FEZF2: variants seen among roughly 807,000 people sequenced by gnomAD.
The protein encoded by FEZF2 is FEZ family zinc finger 2, also known as fez family zinc finger protein 2.
FEZF2 carries 2 observed loss-of-function variants against 32.8 expected under a neutral mutation model. The ratio of observed to expected loss-of-function variants is 0.06; its 90% CI spans 0.02 to 0.19. FEZF2 has a LOEUF of 0.19. Ranked by LOEUF, FEZF2 falls within the 10% of genes least tolerant of loss-of-function variation. FEZF2 has a pLI of 1.00. For missense variants in FEZF2, 516 were observed against 625.4 expected, an observed-to-expected ratio of 0.83 and a Z score of 1.87; for synonymous variants, 322 against 284.8, an observed-to-expected ratio of 1.13 and a Z score of -1.32.
chr3:62,371,438 G>A (rs1209965542), intron 3 of FEZF2, 89 bp from the exon 4 acceptor site: 2 of 1,580,298 alleles, frequency 1.3e-6, no homozygotes, highest in African/African-American at 2.7e-5. Context: ...CAACCCTAGA[G>A]GGTAAGGGAT....
chr3:62,373,285 C>T lies in FEZF2; in HGVS notation c.-65G>A, dbSNP rs934160945. The T allele has an allele frequency of 5.6e-6, 1 of 178,344 alleles. No homozygotes were observed. Among genetic ancestry groups the T allele is most frequent in the Non-Finnish European group, 1.2e-5 (1 of 85,608 alleles). The allele number at this position is 178,344 out of a possible 1,614,324, so 11.0% of individuals were successfully genotyped here. On this transcript the variant is annotated 5_prime_UTR_variant, in exon 1 of 5. Coordinates refer to ENST00000283268, the MANE Select transcript of FEZF2 (RefSeq NM_018008.4). The surrounding 1 kb of genome is among the most constrained non-coding windows in gnomAD (Gnocchi z 5.5). ...AGAGCCACCTCGCATTTACCTCTTTCCCCCACCACCAAGGAGATGCGTTCC... is the reference window on the plus strand; with the variant it reads ...AGAGCCACCTCGCATTTACCTCTTTTCCCCACCACCAAGGAGATGCGTTCC...
Position 62,372,848 on chromosome 3 carries a change from C to T in FEZF2, c.21G>A (p.Leu7=), listed in dbSNP as rs777699358. The change falls in exon 2 of 5, where the codon CTG becomes CTA. Residue 7 remains leucine (L), a synonymous_variant. Coordinates refer to ENST00000283268, the MANE Select transcript of FEZF2 (RefSeq NM_018008.4). The surrounding 1 kb of genome is among the most constrained non-coding windows in gnomAD (Gnocchi z 9.6). Reference sequence around the variant, plus strand: ...GGCAGGCCGGGGGCACCATGGTCTCCAGGGAAGCCGAGCTTGCCATGGCGC... The same window carrying T: ...GGCAGGCCGGGGGCACCATGGTCTCTAGGGAAGCCGAGCTTGCCATGGCGC... The part of the protein sequence containing the change: MASSAS[L]ETMVPPACPR... 2.7e-6 allele frequency: 4 copies of T among 1,462,288 alleles called. No homozygotes were observed. The highest frequency in any genetic ancestry group is 2.8e-5 in the South Asian group (2 of 72,454). The allele number at this position is 1,462,288 out of a possible 1,614,324, so 90.6% of individuals were successfully genotyped here. A position where few individuals can be genotyped will look rare whatever the true frequency, so the allele number is the denominator to read the frequency against.
chr3:62,372,677 G>T lies in FEZF2; in HGVS notation c.192C>A (p.Leu64=). 2 of 1,608,582 alleles carry T rather than the reference G, an allele frequency of 1.2e-6. No homozygotes were observed. The highest frequency in any genetic ancestry group is 4.5e-5 in the East Asian group (2 of 44,414). The change falls in exon 2 of 5, where the codon CTC becomes CTA. Residue 64 remains leucine (L), a synonymous_variant. Transcript: ENST00000283268. The surrounding 1 kb of genome is among the most constrained non-coding windows in gnomAD (Gnocchi z 9.6). Reference sequence around the variant, plus strand: ...TACAGGGCAGCGGCGAGCAGAGGTTGAGCAGTTTCTTGCCCTGGCTGCCGT... The same window carrying T: ...TACAGGGCAGCGGCGAGCAGAGGTTTAGCAGTTTCTTGCCCTGGCTGCCGT... ...EADGSQGKKL[L]NLCSPLPCMI...
Position 62,372,031 on chromosome 3 carries a change from C to A in FEZF2, c.838G>T (p.Glu280Ter). ...CTGGGCCTCACCTTGCCGCACACCT[C>A]GCAGGTGAAGTTTTTGGGCTTGCCA... ...ADGKPKNFTC[E>*]VCGKVFNAHY... is the part of the protein sequence containing the mutation. Residue 280 changes from glutamate to a stop codon, truncating the protein, a stop_gained, in exon 2 of 5, where the codon GAG becomes TAG. Coordinates refer to ENST00000283268, the MANE Select transcript of FEZF2 (RefSeq NM_018008.4). LOFTEE classifies it high-confidence loss of function. The surrounding 1 kb of genome is among the most constrained non-coding windows in gnomAD (Gnocchi z 9.6). The A allele has an allele frequency of 6.2e-7, 1 of 1,606,218 alleles. No homozygotes were observed. The highest frequency in any genetic ancestry group is 8.5e-7 in the Non-Finnish European group (1 of 1,179,480).
intron 2 of FEZF2, 49 bp downstream of exon 2, chr3:62,371,968 C>T: frequency 6.3e-7 from 1 of 1,575,554 alleles, no homozygotes; most frequent in East Asian, 2.3e-5. Context: ...AGGAAGCCGC[C>T]GCCGCCGATC....
intron 3 of FEZF2, 29 bp downstream of exon 3, chr3:62,371,504 G>A: frequency 1.9e-6 from 3 of 1,594,138 alleles, no homozygotes; most frequent in South Asian, 1.1e-5. Flanking sequence ...GGTTGCGCGC[G>A]GGCTAGGCCC....
chr3:62,370,772 A>G lies in FEZF2; in HGVS notation c.1121-430T>C, dbSNP rs1457124477. Among the ~76,000 whole-genome samples the G allele has an allele frequency of 9.2e-5, 14 of 152,014 alleles. No individual in the cohort carries two copies. The highest frequency in any genetic ancestry group is 3.4e-4 in the African/African-American group (14 of 41,386). On this transcript the variant is annotated intron_variant, in intron 4 of 4. Transcript: ENST00000283268. The surrounding 1 kb of genome is among the most constrained non-coding windows in gnomAD (Gnocchi z 4.2). ...CTTCTTTCTCGCCCCCCAACTACCAACTGAAGATCCAAAAGTGCCTTGGAA... is the reference window on the plus strand; with the variant it reads ...CTTCTTTCTCGCCCCCCAACTACCAGCTGAAGATCCAAAAGTGCCTTGGAA...
Position 62,370,587 on chromosome 3 carries a change from C to T in FEZF2, c.1121-245G>A, listed in dbSNP as rs1286997742. On this transcript the variant is annotated intron_variant, in intron 4 of 4. Transcript: ENST00000283268. This position sits in a 1 kb window ranked among gnomAD's most constrained non-coding sequence, Gnocchi z 4.2. ...GCTCCTGCTCTGCCCGCCACAGAGGCTGGTGCAGCTTCCCTCCCGCCGCGC... is the reference window on the plus strand; with the variant it reads ...GCTCCTGCTCTGCCCGCCACAGAGGTTGGTGCAGCTTCCCTCCCGCCGCGC... Among the ~76,000 whole-genome samples, 1 of 152,234 alleles carries T rather than the reference C, an allele frequency of 6.6e-6. No individual in the cohort carries two copies. The highest frequency in any genetic ancestry group is 1.9e-4 in the East Asian group (1 of 5,182).
Position 62,370,136 on chromosome 3 carries a change from C to T in FEZF2, c.1327G>A (p.Val443Met), listed in dbSNP as rs1284653948. The T allele has an allele frequency of 9.9e-6, 16 of 1,614,082 alleles. No homozygotes were observed. The highest frequency in any genetic ancestry group is 1.4e-5 in the Non-Finnish European group (16 of 1,180,050). Reference sequence around the variant, plus strand: ...TTTGCGGAGGGGGCAGCAGGGCCCACGCTGTCGTGGAGTTTGCGCACATGT... The same window carrying T: ...TTTGCGGAGGGGGCAGCAGGGCCCATGCTGTCGTGGAGTTTGCGCACATGT... The part of the protein sequence containing the change: ...KKHVRKLHDS[V>M]GPAAPSAKDL... Residue 443 changes from valine to methionine, a missense_variant, in exon 5 of 5, where the codon GTG (valine) becomes ATG (methionine). By Grantham distance (21) the Val-to-Met change is conservative. Coordinates refer to ENST00000283268, the MANE Select transcript of FEZF2 (RefSeq NM_018008.4). The surrounding 1 kb of genome is among the most constrained non-coding windows in gnomAD (Gnocchi z 4.2).
In FEZF2 at chr3:62,371,520, G is replaced by C. The variant is rs199593114; in HGVS notation, c.987+13C>G. The C allele has an allele frequency of 5.4e-4, 864 of 1,605,482 alleles. 13 individuals are homozygous for C. The South Asian group carries it at 9.2e-3, about 17-fold the overall frequency. On this transcript the variant is annotated intron_variant, in intron 3 of 4. Coordinates refer to ENST00000283268, the MANE Select transcript of FEZF2 (RefSeq NM_018008.4). ...GTTGCGCGCGGGCTAGGCCCGACCC[G>C]GGGGCCACGTACCTGGGTGTGGATA...
In FEZF2 at chr3:62,372,815, G is replaced by A. The variant is rs767571510; in HGVS notation, c.54C>T (p.Ala18=). The A allele has an allele frequency of 4.4e-5, 67 of 1,532,722 alleles. No homozygotes were observed. Among genetic ancestry groups the A allele is most frequent in the Non-Finnish European group, 5.6e-5 (64 of 1,134,788 alleles). The allele number at this position is 1,532,722 out of a possible 1,614,324, so 94.9% of individuals were successfully genotyped here. A position where few individuals can be genotyped will look rare whatever the true frequency, so the allele number is the denominator to read the frequency against. ...ETMVPPACPR[A]GASPATSKTL... is the part of the protein sequence containing the mutation. The stretch of plus-strand genomic sequence containing the variant: ...TCTTGGAAGTGGCCGGCGACGCTCC[G>A]GCGCGCGGGCAGGCCGGGGGCACCA... Residue 18 remains alanine (A), a synonymous_variant, in exon 2 of 5, where the codon GCC becomes GCT. Transcript: ENST00000283268. This position sits in a 1 kb window ranked among gnomAD's most constrained non-coding sequence, Gnocchi z 9.6.
In FEZF2 at chr3:62,370,724, C is replaced by T. The variant is rs1704257790; in HGVS notation, c.1121-382G>A. On this transcript the variant is annotated intron_variant, in intron 4 of 4. Transcript: ENST00000283268. This position sits in a 1 kb window ranked among gnomAD's most constrained non-coding sequence, Gnocchi z 4.2. Reference sequence around the variant, plus strand: ...ACCCGGGCTTCATCCTTTTTCTTTTCCCCCTTCTCATTTTTAAAGTTACTT... The same window carrying T: ...ACCCGGGCTTCATCCTTTTTCTTTTTCCCCTTCTCATTTTTAAAGTTACTT... Among the ~76,000 whole-genome samples the T allele has an allele frequency of 6.6e-6, 1 of 152,008 alleles. No individual in the cohort carries two copies. Among genetic ancestry groups the T allele is most frequent in the African/African-American group, 2.4e-5 (1 of 41,386 alleles).
Position 62,372,187 on chromosome 3 carries a change from G to A in FEZF2, c.682C>T (p.His228Tyr), listed in dbSNP as rs182383671. 3 of 1,580,154 alleles carry A rather than the reference G, an allele frequency of 1.9e-6. No individual in the cohort carries two copies. The South Asian group carries it at 3.5e-5, about 18-fold the overall frequency. The change falls in exon 2 of 5, where the codon CAC becomes TAC. Residue 228 changes from histidine to tyrosine, a missense_variant. Physicochemically the swap from His to Tyr is moderately conservative, Grantham distance 83 (BLOSUM62 2). Around this residue, in one of 3 missense-constraint regions of FEZF2, gnomAD observed 408 missense variants for 382.2 expected, o/e 1.07. Transcript: ENST00000283268. This position sits in a 1 kb window ranked among gnomAD's most constrained non-coding sequence, Gnocchi z 9.6. ...TCCTTATGGGGATAGGGAGCCGGGT[G>A]GGGGAACTTGTCCGCAGCCAGGCCG... The part of the protein sequence containing the change: ...LAGLAADKFP[H>Y]PAPYPHKERL...
Position 62,372,030 on chromosome 3 carries a change from T to A in FEZF2, c.839A>T (p.Glu280Val). 1 of 1,606,078 alleles carries A rather than the reference T, an allele frequency of 6.2e-7. No individual in the cohort carries two copies. Among genetic ancestry groups the A allele is most frequent in the Non-Finnish European group, 8.5e-7 (1 of 1,179,498 alleles). The change falls in exon 2 of 5, where the codon GAG becomes GTG. Residue 280 changes from glutamate (E) to valine (V), a missense_variant. Physicochemically the swap from Glu to Val is moderately radical, Grantham distance 121. Transcript: ENST00000283268. This position sits in a 1 kb window ranked among gnomAD's most constrained non-coding sequence, Gnocchi z 9.6. ...CCTGGGCCTCACCTTGCCGCACACC[T>A]CGCAGGTGAAGTTTTTGGGCTTGCC... ...ADGKPKNFTC[E>V]VCGKVFNAHY...
Position 62,371,628 on chromosome 3 carries a change from C to T in FEZF2, c.892G>A (p.Val298Ile). 6.2e-7 allele frequency: 1 copy of T among 1,614,106 alleles called. No individual in the cohort carries two copies. Among genetic ancestry groups the T allele is most frequent in the Non-Finnish European group, 8.5e-7 (1 of 1,180,000 alleles). The change falls in exon 3 of 5, where the codon GTC becomes ATC. Residue 298 changes from valine (V) to isoleucine (I), a missense_variant. Transcript: ENST00000283268. ...ACGAACGGTCTGGCTCCGGTGTGGA[C>T]CGGCATGTGGCGGGTGAGATTATAG... ...AHYNLTRHMP[V>I]HTGARPFVCK...
chr3:62,369,737 T>A lies in FEZF2; in HGVS notation c.*346A>T, dbSNP rs1704243118. Reference sequence around the variant, plus strand: ...CCGTGTTCGCTTGTACAGGAGGATTTACATGGCTGTATAAAGATGGCTAGG... The same window carrying A: ...CCGTGTTCGCTTGTACAGGAGGATTAACATGGCTGTATAAAGATGGCTAGG... On this transcript the variant is annotated 3_prime_UTR_variant, in exon 5 of 5. Transcript: ENST00000283268. The surrounding 1 kb of genome is among the most constrained non-coding windows in gnomAD (Gnocchi z 4.2). 1 of 262,226 alleles carries A rather than the reference T, an allele frequency of 3.8e-6. No homozygotes were observed. Among genetic ancestry groups the A allele is most frequent in the African/African-American group, 2.2e-5 (1 of 45,484 alleles). The allele number at this position is 262,226 out of a possible 1,614,324, so 16.2% of individuals were successfully genotyped here.
In FEZF2 at chr3:62,370,774, TGAA is replaced by T. The variant is rs1704258400; in HGVS notation, c.1121-435_1121-433del. Among the ~76,000 whole-genome samples, 1 of 152,144 alleles carries T rather than the reference TGAA, an allele frequency of 6.6e-6. No individual in the cohort carries two copies. The highest frequency in any genetic ancestry group is 6.5e-5 in the Admixed American group (1 of 15,278). On this transcript the variant is annotated intron_variant, in intron 4 of 4. Coordinates refer to ENST00000283268, the MANE Select transcript of FEZF2 (RefSeq NM_018008.4). This position sits in a 1 kb window ranked among gnomAD's most constrained non-coding sequence, Gnocchi z 4.2. ...TCTTTCTCGCCCCCCAACTACCAACTGAAGATCCAAAAGTGCCTTGGAAAATCC... is the reference window on the plus strand; with the variant it reads ...TCTTTCTCGCCCCCCAACTACCAACTGATCCAAAAGTGCCTTGGAAAATCC...
chr3:62,371,029 C>T lies in FEZF2; in HGVS notation c.1120+188G>A, dbSNP rs1036470963. Among the ~76,000 whole-genome samples the T allele has an allele frequency of 1.3e-5, 2 of 152,222 alleles. 1 individual carries two copies. The highest frequency in any genetic ancestry group is 1.3e-4 in the Admixed American group (2 of 15,286). On this transcript the variant is annotated intron_variant, in intron 4 of 4. Transcript: ENST00000283268. Reference sequence around the variant, plus strand: ...CTCAGTGCACCCAGCCTGCATACAGCGTGGTCTACTAACCCCGCTAGGAGA... The same window carrying T: ...CTCAGTGCACCCAGCCTGCATACAGTGTGGTCTACTAACCCCGCTAGGAGA...
chr3:62,371,956 C>G, intron 2 of FEZF2, 61 bp downstream of exon 2: 1 of 1,561,518 alleles, frequency 6.4e-7, no homozygotes, highest in East Asian at 2.3e-5. Flanking sequence ...CAGGCTGCCC[C>G]AAGGAAGCCG....
Sources: gnomAD v4.1 joint callset for allele counts (sites outside exome capture counted in the v4.1 genomes callset) on GRCh38, gnomAD v4.1.1 for gene constraint, gnomAD v4.1.1 regional missense constraint, Gnocchi (gnomAD v3.1) non-coding constraint, MANE v1.5 for transcripts, NCBI Gene and HGNC (gene_info 2026-07-23, HGNC 2026-07-21) for gene names.